Variants in AGR2 observed in about 807,000 individuals in gnomAD.
AGR2 encodes the protein anterior gradient 2, protein disulphide isomerase family member.
Under a neutral mutation model 25.9 loss-of-function variants are expected in AGR2, and 27 were observed. That is an observed-to-expected ratio of 1.04 (90% confidence interval 0.77 to 1.44). AGR2 has a LOEUF of 1.44. Ranked by LOEUF, AGR2 falls within the 40% of genes most tolerant of loss-of-function variation. The probability of loss-of-function intolerance (pLI) is 0.00; values close to 1 mark genes in which losing one functional copy is unlikely to be tolerated. For synonymous variants in AGR2, 78 were observed against 72.0 expected (o/e 1.08, Z -0.42); for missense variants, 182 against 200.9 (o/e 0.91, Z 0.57).
chr7:16,799,940 T>C (rs1265553479), intron 4 of AGR2, 123 bp from the exon 5 acceptor site: 1 of 686,156 alleles, frequency 1.5e-6, no homozygotes, highest in Non-Finnish European at 2.4e-6. Context: ...GTATTCTACT[T>C]TGGCCTTTTA....
At chr7:16,798,192 G>A (rs532637722) in intron 5 of AGR2, among the ~76,000 whole-genome samples, 7 of 152,310 alleles carry the variant, frequency 4.6e-5, no homozygotes, top group South Asian at 4.1e-4. Context: ...GAAATGTTAC[G>A]GTGTAGGATA....
At chr7:16,794,546 C>G (rs540657146) in intron 7 of AGR2, 64 of 364,348 alleles carry the variant, frequency 1.8e-4, no homozygotes, top group African/African-American at 1.3e-3. Flanking sequence ...TAATTTTAAG[C>G]TGGACTGCAC....
At chr7:16,793,161 G>C (rs1440935368) in intron 7 of AGR2, among the ~76,000 whole-genome samples, 1 of 152,076 alleles carries the variant, frequency 6.6e-6, no homozygotes, top group Admixed American at 6.5e-5. Context: ...TGATTCTTCA[G>C]CCTTAGCCTC....
chr7:16,803,560 G>A (rs1255013802), intron 1 of AGR2, among the ~76,000 whole-genome samples: 1 of 152,042 alleles, frequency 6.6e-6, no homozygotes, highest in Admixed American at 6.5e-5. Context: ...ATGATGTTTT[G>A]TATTTAACTG....
intron 6 of AGR2, among the ~76,000 whole-genome samples, chr7:16,795,479 T>C (rs1785030631): frequency 6.6e-6 from 1 of 152,156 alleles, no homozygotes; most frequent in Non-Finnish European, 1.5e-5. Context: ...AATAGAGGAA[T>C]GCAAGTCCTT....
chr7:16,799,874 T>A, intron 4 of AGR2, 57 bp from the exon 5 acceptor site: 2 of 1,204,234 alleles, frequency 1.7e-6, no homozygotes, highest in South Asian at 2.7e-5. Context: ...AAAAGCTTTG[T>A]TCAATTTTCA....
intron 7 of AGR2, among the ~76,000 whole-genome samples, chr7:16,794,188 G>A (rs1785005446): frequency 6.6e-6 from 1 of 152,200 alleles, no homozygotes; most frequent in African/African-American, 2.4e-5. Flanking sequence ...TCAGTGTCCG[G>A]GCATTGAGCA....
At chr7:16,797,485 G>A (rs1175772404) in intron 6 of AGR2, 146 bp downstream of exon 6, 9 of 574,834 alleles carry the variant, frequency 1.6e-5, no homozygotes, top group Admixed American at 1.3e-4. Flanking sequence ...AATATGTTGC[G>A]GAACTTAAAG....
chr7:16,801,235 T>C (rs1785137367), intron 3 of AGR2, 32 bp from the exon 4 acceptor site: 1 of 1,611,696 alleles, frequency 6.2e-7, no homozygotes, highest in African/African-American at 1.3e-5. Context: ...CAAATTTTAA[T>C]GAGTAAGATT....
At chr7:16,793,105 G>A in intron 7 of AGR2, 148 bp from the exon 8 acceptor site, 1 of 720,066 alleles carries the variant, frequency 1.4e-6, no homozygotes, top group Non-Finnish European at 2.3e-6. Context: ...CTGGCATGCA[G>A]TGGTGCAATC....
intron 4 of AGR2, among the ~76,000 whole-genome samples, chr7:16,800,198 T>A (rs535199611): frequency 6.6e-6 from 1 of 152,356 alleles, no homozygotes; most frequent in South Asian, 2.1e-4. Flanking sequence ...GATGATACTT[T>A]CAGGTAGAGA....
In AGR2 at chr7:16,799,759, G is replaced by A; in HGVS notation, c.315C>T (p.Val105=). 1.2e-6 allele frequency: 2 copies of A among 1,612,946 alleles called. No individual in the cohort carries two copies. The highest frequency in any genetic ancestry group is 1.7e-6 in the Non-Finnish European group (2 of 1,179,276). Residue 105 remains valine (V), a synonymous_variant, in exon 5 of 8, where the codon GTC becomes GTT. Transcript: ENST00000419304. ...GGAAACTTACAACCAGATTGAGGAG[G>A]ACAAACTGCTCTGCCAATTTCTGGA... ...KEIQKLAEQF[V]LLNLVYETTD...
chr7:16,794,583 A>G, intron 7 of AGR2: 1 of 442,970 alleles, frequency 2.3e-6, no homozygotes, highest in Non-Finnish European at 3.9e-6. Context: ...TATTTAAAAA[A>G]TTAAGACATG....
At chr7:16,803,417 T>G (rs1248949033) in intron 1 of AGR2, among the ~76,000 whole-genome samples, 1 of 152,188 alleles carries the variant, frequency 6.6e-6, no homozygotes, top group Non-Finnish European at 1.5e-5. Context: ...TGGTTTTGAA[T>G]GAAGTCAAAT....
At chr7:16,796,864 A>T (rs1393991776) in intron 6 of AGR2, among the ~76,000 whole-genome samples, 2 of 152,132 alleles carry the variant, frequency 1.3e-5, no homozygotes, top group Non-Finnish European at 2.9e-5. Flanking sequence ...AAAGCATATG[A>T]AAAGTACCAG....
Position 16,792,675 on chromosome 7 carries a change from T to C in AGR2, c.*233A>G, listed in dbSNP as rs554048643. ...CAGAACACCCCCAAAACATTTATTT[T>C]TTTTTTTAGAAAATCATGGCTCACT... On this transcript the variant is annotated 3_prime_UTR_variant, in exon 8 of 8. Coordinates refer to ENST00000419304, the MANE Select transcript of AGR2 (RefSeq NM_006408.4). 2.1e-6 allele frequency: 1 copy of C among 478,872 alleles called. No homozygotes were observed. Among genetic ancestry groups the C allele is most frequent in the Non-Finnish European group, 3.7e-6 (1 of 270,822 alleles). The allele number at this position is 478,872 out of a possible 1,614,324, so 29.7% of individuals were successfully genotyped here. A position where few individuals can be genotyped will look rare whatever the true frequency, so the allele number is the denominator to read the frequency against.
At chr7:16,794,779 T>G in intron 7 of AGR2, 157 bp downstream of exon 7, 1 of 1,500,760 alleles carries the variant, frequency 6.7e-7, no homozygotes, top group Non-Finnish European at 8.9e-7. Context: ...AAGAGTGTGA[T>G]TTGCCTGAAG....
intron 4 of AGR2, among the ~76,000 whole-genome samples, chr7:16,800,750 C>G (rs1562527819): frequency 6.6e-6 from 1 of 152,152 alleles, no homozygotes; most frequent in African/African-American, 2.4e-5. Flanking sequence ...TGAAGAATTA[C>G]TAAGACTTTT....
intron 7 of AGR2, among the ~76,000 whole-genome samples, 183 bp from the exon 8 acceptor site, chr7:16,793,140 C>A (rs1784990197): frequency 6.6e-6 from 1 of 152,172 alleles, no homozygotes; most frequent in South Asian, 2.1e-4. Flanking sequence ...CCTCTGCCTC[C>A]TGGGTTCAAG....
Sources: gnomAD v4.1 joint callset for allele counts (sites outside exome capture counted in the v4.1 genomes callset) on GRCh38, gnomAD v4.1.1 for gene constraint, MANE v1.5 for transcripts, NCBI Gene and HGNC (gene_info 2026-07-23, HGNC 2026-07-21) for gene names.